The following SPRED2 variants were observed in gnomAD, a reference collection of about 807,000 sequenced individuals.
SPRED2 encodes the protein sprouty related EVH1 domain containing 2.
A neutral mutation model predicts 43.0 loss-of-function variants in SPRED2; 47 were observed. That is an observed-to-expected ratio of 1.09 (90% CI 0.87 to 1.40). SPRED2 has a LOEUF of 1.40. SPRED2 is among the 40% of genes most tolerant of loss of function. The pLI is 0.00. For synonymous variants in SPRED2, 225 were observed against 225.7 expected, an observed-to-expected ratio of 1.00 and a Z score of 0.03; for missense variants, 561 against 586.4, an observed-to-expected ratio of 0.96 and a Z score of 0.45.
Position 65,313,741 on chromosome 2 carries a change from C to T in SPRED2, c.1017G>A (p.Arg339=), listed in dbSNP as rs750287827. 43 of 1,614,088 alleles carry T rather than the reference C, an allele frequency of 2.7e-5. No individual in the cohort carries two copies. The highest frequency in any genetic ancestry group is 3.6e-5 in the Non-Finnish European group (43 of 1,180,036). Residue 339 remains arginine (R), a synonymous_variant, in exon 6 of 6, where the codon CGG becomes CGA. Transcript: ENST00000356388. The stretch of plus-strand genomic sequence containing the variant: ...TGTCCGCGCACCACATGCAGCTCAC[C>T]CGGCGGATGCAAGTTCTCACGGAGT... ...APDSVRTCIR[R]VSCMWCADSM...
intron 1 of SPRED2, among the ~76,000 whole-genome samples, chr2:65,365,870 GAGGGTCAGAC>G (rs1285027619): frequency 6.6e-6 from 1 of 152,164 alleles, no homozygotes; most frequent in Non-Finnish European, 1.5e-5. Context: ...AAGAAAGAGA[GAGGGTCAGAC>G]AGGCAGACAC....
At chr2:65,413,460 T>C (rs567555277) in intron 1 of SPRED2, among the ~76,000 whole-genome samples, 2 of 152,172 alleles carry the variant, frequency 1.3e-5, no homozygotes, top group Non-Finnish European at 2.9e-5. Context: ...ACCAGGATAA[T>C]GTTTGGCCAA....
At chr2:65,343,546 G>C (rs1489382939) in intron 2 of SPRED2, among the ~76,000 whole-genome samples, 1 of 152,090 alleles carries the variant, frequency 6.6e-6, no homozygotes, top group East Asian at 1.9e-4. Flanking sequence ...ACATATTCTT[G>C]TGGTGTCTTT....
intron 1 of SPRED2, among the ~76,000 whole-genome samples, chr2:65,398,709 C>T (rs1675812284): frequency 6.6e-6 from 1 of 152,116 alleles, no homozygotes; most frequent in African/African-American, 2.4e-5. Context: ...ATCAAAAGAT[C>T]CAAAAATAAT....
chr2:65,362,870 G>A (rs28581498), intron 1 of SPRED2, among the ~76,000 whole-genome samples: 14,739 of 137,310 alleles, frequency 0.11, 1,620 homozygotes, highest in African/African-American at 0.28. Flanking sequence ...AAAAAAAAAA[G>A]AAAAGAAAAG....
chr2:65,309,077 A>G (rs550858638), downstream of SPRED2, among the ~76,000 whole-genome samples: 1 of 151,766 alleles, frequency 6.6e-6, no homozygotes, highest in East Asian at 1.9e-4. Flanking sequence ...AATCACTAGA[A>G]CCCGGGAGGC....
chr2:65,366,029 AAAACAAAC>A (rs3052978), intron 1 of SPRED2, among the ~76,000 whole-genome samples: 15 of 151,092 alleles, frequency 9.9e-5, no homozygotes, highest in Admixed American at 1.3e-4. Flanking sequence ...GTGATTTATA[AAAACAAAC>A]AAACAAACAA....
At chr2:65,345,826 C>T (rs531969877) in intron 1 of SPRED2, among the ~76,000 whole-genome samples, 2 of 152,274 alleles carry the variant, frequency 1.3e-5, no homozygotes, top group South Asian at 4.1e-4. Context: ...AGTTCTTCTG[C>T]ACATTTGCCA....
At chr2:65,424,380 A>G (rs879749916) in intron 1 of SPRED2, among the ~76,000 whole-genome samples, 2 of 152,202 alleles carry the variant, frequency 1.3e-5, no homozygotes, top group Non-Finnish European at 2.9e-5. Context: ...TTTTCAATTA[A>G]TGAATAGTTA....
At chr2:65,359,103 C>G (rs1383464727) in intron 1 of SPRED2, among the ~76,000 whole-genome samples, 2 of 152,176 alleles carry the variant, frequency 1.3e-5, no homozygotes, top group Non-Finnish European at 2.9e-5. Context: ...TTTAGGGTCA[C>G]AATGACTGTT....
At position 65,311,969 on chromosome 2, in the gene SPRED2, G is replaced by A. The variant is rs969991795; in HGVS notation, c.*1532C>T. On this transcript the variant is annotated 3_prime_UTR_variant, in exon 6 of 6. Transcript: ENST00000356388. ...GAGCAGGCCATGTCTTCTGCTGGCC[G>A]CTACCACAGAAAGATCGTGGCGGGA... 1.0e-6 allele frequency: 1 copy of A among 985,378 alleles called. No individual in the cohort carries two copies. The highest frequency in any genetic ancestry group is 1.1e-4 in the East Asian group (1 of 8,806). The allele number at this position is 985,378 out of a possible 1,614,324, so 61.0% of individuals were successfully genotyped here.
intron 1 of SPRED2, among the ~76,000 whole-genome samples, chr2:65,404,570 T>C (rs1675979302): frequency 6.6e-6 from 1 of 152,186 alleles, no homozygotes; most frequent in African/African-American, 2.4e-5. Context: ...ATTCAGCAGA[T>C]ACTTCTTGAG....
chr2:65,361,124 G>A (rs1196905462), intron 1 of SPRED2, among the ~76,000 whole-genome samples: 2 of 152,220 alleles, frequency 1.3e-5, no homozygotes, highest in East Asian at 3.9e-4. Context: ...AATTACAAAA[G>A]TAACATATGT....
chr2:65,328,125 C>T (rs1319711410), intron 4 of SPRED2, among the ~76,000 whole-genome samples: 1 of 152,156 alleles, frequency 6.6e-6, no homozygotes. Context: ...CCCTTCCCTC[C>T]TCTGCCCCAA....
At position 65,312,483 on chromosome 2, in the gene SPRED2, CACCATA is replaced by C. The variant is rs1673096861; in HGVS notation, c.*1012_*1017del. 5.1e-6 allele frequency: 5 copies of C among 985,370 alleles called. No homozygotes were observed. The South Asian group carries it at 2.3e-4, about 46-fold the overall frequency. 61.0% of individuals were successfully genotyped at this position (985,370 alleles called of 1,614,324 possible). On this transcript the variant is annotated 3_prime_UTR_variant, in exon 6 of 6. Coordinates refer to ENST00000356388, the MANE Select transcript of SPRED2 (RefSeq NM_181784.3). ...GGAAGAAGCTCCCTATGGTTTTATT[CACCATA>C]ACCTTAGTGTTTCTCAACTGGAACT...
chr2:65,405,121 G>A (rs1287048561), intron 1 of SPRED2, among the ~76,000 whole-genome samples: 1 of 152,248 alleles, frequency 6.6e-6, no homozygotes, highest in African/African-American at 2.4e-5. Flanking sequence ...TCATCTAAAT[G>A]TATATACATC....
rs561438821 is a variant in SPRED2, at chr2:65,432,476, C to A, written c.-489G>T. 2 of 158,036 alleles carry A rather than the reference C, an allele frequency of 1.3e-5. No individual in the cohort carries two copies. Among genetic ancestry groups the A allele is most frequent in the African/African-American group, 2.4e-5 (1 of 41,454 alleles). 9.8% of individuals were successfully genotyped at this position (158,036 alleles called of 1,614,324 possible). ...GCCTGGGAGGCGGTGCAGGGCGCCC[C>A]GTCCGAGCCCCATCTCTCGACTCCA... is the stretch of plus-strand genomic sequence containing the variant. On this transcript the variant is annotated 5_prime_UTR_variant, in exon 1 of 6. Coordinates refer to ENST00000356388, the MANE Select transcript of SPRED2 (RefSeq NM_181784.3).
At chr2:65,327,728 T>C (rs1188211833) in intron 4 of SPRED2, among the ~76,000 whole-genome samples, 2 of 136,002 alleles carry the variant, frequency 1.5e-5, no homozygotes, top group African/African-American at 5.5e-5. Flanking sequence ...TTTTTTTTTT[T>C]TTTTTTTTTT....
At chr2:65,428,066 C>T (rs1676596104) in intron 1 of SPRED2, among the ~76,000 whole-genome samples, 2 of 152,226 alleles carry the variant, frequency 1.3e-5, no homozygotes, top group African/African-American at 4.8e-5. Context: ...TTGACCTTGG[C>T]TTTCTCATCA....
Sources: allele counts gnomAD v4.1 joint callset (sites outside exome capture counted in the v4.1 genomes callset), GRCh38; gene constraint gnomAD v4.1.1; transcripts MANE v1.5; gene names NCBI Gene and HGNC (gene_info 2026-07-23, HGNC 2026-07-21).